Variants in ATP2C2 observed in about 807,000 individuals in gnomAD.
ATP2C2 encodes calcium-transporting ATPase type 2C member 2.
ATP2C2 carries 171 observed loss-of-function variants against 110.8 expected under a neutral mutation model. The observed-to-expected ratio is 1.54, with a 90% CI of 1.36 to 1.75. ATP2C2 has a LOEUF of 1.75. ATP2C2 is among the 40% of genes most tolerant of loss of function. The pLI is 0.00. For synonymous variants in ATP2C2, 804 were observed against 508.4 expected (o/e 1.58, Z -7.82); for missense variants, 1,963 against 1,235.0 (o/e 1.59, Z -8.84).
rs371041423 is a variant in ATP2C2 at position 84,405,157 on chromosome 16, C to T, written c.240C>T (p.Phe80=). The part of the protein sequence containing the change: ...CVDLHTGLSE[F]SVTQRRLAHG... ...ACTTACACACTGGGCTGTCGGAGTTCTCGGTGACGCAGCGCCGGCTGGCCC... is the reference window on the plus strand; with the variant it reads ...ACTTACACACTGGGCTGTCGGAGTTTTCGGTGACGCAGCGCCGGCTGGCCC... The change falls in exon 3 of 27, where the codon TTC becomes TTT. Residue 80 remains phenylalanine, a synonymous_variant. Transcript: ENST00000262429. The T allele has an allele frequency of 5.0e-6, 8 of 1,613,920 alleles. No individual in the cohort carries two copies. The East Asian group carries it at 1.6e-4, about 31-fold the overall frequency.
At chr16:84,433,464 C>T (rs191693567) in intron 11 of ATP2C2, among the ~76,000 whole-genome samples, 1 of 152,132 alleles carries the variant, frequency 6.6e-6, no homozygotes, top group African/African-American at 2.4e-5. Context: ...ACCAGCCTGG[C>T]CAAAACAGTG....
At chr16:84,385,274 T>A (rs1904303814) in intron 1 of ATP2C2, among the ~76,000 whole-genome samples, 2 of 151,756 alleles carry the variant, frequency 1.3e-5, no homozygotes, top group South Asian at 4.2e-4. Flanking sequence ...TCCCATGCTT[T>A]TAAATGACGA....
intron 1 of ATP2C2, among the ~76,000 whole-genome samples, 158 bp from the exon 2 acceptor site, chr16:84,398,341 G>A (rs1398016430): frequency 6.6e-6 from 1 of 152,146 alleles, no homozygotes; most frequent in Non-Finnish European, 1.5e-5. Flanking sequence ...GGTAAGTGGA[G>A]GTTGTGGTGA....
intron 4 of ATP2C2, among the ~76,000 whole-genome samples, chr16:84,409,642 G>A (rs994116866): frequency 2.0e-5 from 3 of 152,006 alleles, no homozygotes; most frequent in East Asian, 1.9e-4. Context: ...ACAGGTGCCC[G>A]CCACCACTCC....
intron 24 of ATP2C2, chr16:84,461,349 G>A (rs1453134102): frequency 8.5e-6 from 3 of 352,426 alleles, no homozygotes; most frequent in Non-Finnish European, 1.6e-5. Context: ...TTTCCCTCCA[G>A]CTCTCCCTCT....
In ATP2C2 at chr16:84,459,720, C is replaced by A. The variant is rs147446601; in HGVS notation, c.2333+334C>A. ...GAAGTCTTCCCTGATTGCACTCCCA[C>A]TCAATCCCCTCACCCTGCTGTATTT... On this transcript the variant is annotated intron_variant, in intron 23 of 26. Transcript: ENST00000262429. 45 of 753,716 alleles carry A rather than the reference C, an allele frequency of 6.0e-5. No individual in the cohort carries two copies. In the African/African-American group the frequency reaches 6.6e-4, roughly 11 times the overall value. 46.7% of individuals were successfully genotyped at this position (753,716 alleles called of 1,614,324 possible). A position where few individuals can be genotyped will look rare whatever the true frequency, so the allele number is the denominator to read the frequency against.
Position 84,398,561 on chromosome 16 carries a change from CA to C in ATP2C2, c.164del (p.Lys55ArgfsTer28). On this transcript the variant is annotated frameshift_variant, in exon 2 of 27. Transcript: ENST00000262429. LOFTEE classifies it high-confidence loss of function. ...KEKKVTALPP[K>X]EACKCQKEDL... ...AGAAGAAGGTGACAGCCCTGCCCCC[CA>C]AGGAAGCGTGCAAATGCCAGAAAGA... The C allele has an allele frequency of 3.1e-6, 5 of 1,612,948 alleles. No individual in the cohort carries two copies. Among genetic ancestry groups the C allele is most frequent in the Non-Finnish European group, 4.2e-6 (5 of 1,179,560 alleles).
At chr16:84,396,695 T>G (rs1421352288) in intron 1 of ATP2C2, among the ~76,000 whole-genome samples, 1 of 151,602 alleles carries the variant, frequency 6.6e-6, no homozygotes, top group African/African-American at 2.4e-5. Context: ...ATCAAGCACT[T>G]TATTTGGTAC....
intron 2 of ATP2C2, among the ~76,000 whole-genome samples, chr16:84,404,168 A>G (rs944670405): frequency 5.9e-5 from 9 of 152,196 alleles, no homozygotes; most frequent in Non-Finnish European, 1.3e-4. Context: ...ACTGAATCCT[A>G]TCTTTGGGTT....
At chr16:84,413,209 C>T (rs560427526) in intron 6 of ATP2C2, among the ~76,000 whole-genome samples, 1 of 152,124 alleles carries the variant, frequency 6.6e-6, no homozygotes, top group East Asian at 1.9e-4. Context: ...ACGGCAACTC[C>T]GTATTTTCTG....
At chr16:84,405,726 C>T (rs1905707124) in intron 3 of ATP2C2, among the ~76,000 whole-genome samples, 1 of 116,674 alleles carries the variant, frequency 8.6e-6, no homozygotes, top group Non-Finnish European at 1.5e-5. Flanking sequence ...TCAAGACCAG[C>T]CCGGCCAACA....
intron 1 of ATP2C2, among the ~76,000 whole-genome samples, chr16:84,372,524 C>G (rs1439635375): frequency 6.6e-6 from 1 of 152,060 alleles, no homozygotes; most frequent in East Asian, 2.0e-4. Flanking sequence ...ACCTCTGCCT[C>G]CCAGATTCTC....
At chr16:84,430,323 A>C (rs1326544312) in intron 11 of ATP2C2, among the ~76,000 whole-genome samples, 1 of 152,160 alleles carries the variant, frequency 6.6e-6, no homozygotes, top group East Asian at 1.9e-4. Context: ...AGTTGCCAAG[A>C]GCAGCCTGCA....
chr16:84,408,605 G>A, intron 4 of ATP2C2, 111 bp downstream of exon 4: 7 of 797,542 alleles, frequency 8.8e-6, no homozygotes, highest in Non-Finnish European at 1.4e-5. Context: ...GGGGGAAAAA[G>A]GAGCATACAG....
Position 84,463,241 on chromosome 16 carries a change from G to C in ATP2C2, c.2723-373G>C, listed in dbSNP as rs1023601283. Reference sequence around the variant, plus strand: ...GGAATTCATCCCAGGGAACATGTCGGGGTGCACTGGACAGGGAGCCCAGAC... The same window carrying C: ...GGAATTCATCCCAGGGAACATGTCGCGGTGCACTGGACAGGGAGCCCAGAC... On this transcript the variant is annotated intron_variant, in intron 26 of 26. Transcript: ENST00000262429. Among the ~76,000 whole-genome samples the C allele has an allele frequency of 2.6e-5, 4 of 151,730 alleles. No individual in the cohort carries two copies. The South Asian group carries it at 8.3e-4, about 32-fold the overall frequency.
chr16:84,379,795 G>C (rs921937596), intron 1 of ATP2C2, among the ~76,000 whole-genome samples: 1 of 152,176 alleles, frequency 6.6e-6, no homozygotes, highest in Non-Finnish European at 1.5e-5. Context: ...TCATGTTCTG[G>C]TAGGGAAGGA....
rs779607597 is a variant in ATP2C2 at position 84,446,430 on chromosome 16, G to C, written c.1503G>C (p.Glu501Asp). The C allele has an allele frequency of 2.7e-5, 43 of 1,580,704 alleles. No homozygotes were observed. The highest frequency in any genetic ancestry group is 3.4e-5 in the Non-Finnish European group (40 of 1,164,956). The change falls in exon 16 of 27, where the codon GAG (glutamate) becomes GAC (aspartate). Residue 501 changes from glutamate (E) to aspartate (D), a missense_variant and splice_region_variant. Glu to Asp is a conservative substitution (Grantham distance 45). Transcript: ENST00000262429. The stretch of plus-strand genomic sequence containing the variant: ...CGGTGAAATGCAGTCTGAAGACTGA[G>C]GTGAGACCTTTCAATCTTCAACCTC... Reference protein sequence around the residue: ...WMAVKCSLKTEDQEDIYFMKG... With the variant: ...WMAVKCSLKTDDQEDIYFMKG...
chr16:84,461,005 T>C, intron 24 of ATP2C2: 2 of 695,200 alleles, frequency 2.9e-6, no homozygotes, highest in Non-Finnish European at 4.5e-6. Context: ...TCGCCAGGTG[T>C]GTGCCTGGGA....
chr16:84,390,345 C>T (rs1030714054), intron 1 of ATP2C2, among the ~76,000 whole-genome samples: 1 of 152,216 alleles, frequency 6.6e-6, no homozygotes, highest in African/African-American at 2.4e-5. Context: ...AAGGGCCATA[C>T]GTGCACTTCG....
Sources: allele counts gnomAD v4.1 joint callset (sites outside exome capture counted in the v4.1 genomes callset), GRCh38; gene constraint gnomAD v4.1.1; transcripts MANE v1.5; gene names NCBI Gene and HGNC (gene_info 2026-07-23, HGNC 2026-07-21).